The following SSH2 variants were observed in gnomAD, a reference collection of about 807,000 sequenced individuals.
SSH2 encodes slingshot protein phosphatase 2, also known as protein phosphatase Slingshot homolog 2.
In SSH2, 37 loss-of-function variants were observed where a neutral mutation model predicts 135.2. The observed-to-expected ratio is 0.27, with a 90% CI of 0.21 to 0.36. SSH2 has a LOEUF of 0.36. Ranked by LOEUF, SSH2 falls within the 10% of genes least tolerant of loss-of-function variation. The probability of loss-of-function intolerance (pLI) is 1.00; values close to 1 mark genes in which losing one functional copy is unlikely to be tolerated. For synonymous variants in SSH2, 628 were observed against 646.2 expected, an observed-to-expected ratio of 0.97 and a Z score of 0.43; for missense variants, 1,408 against 1,765.3, an observed-to-expected ratio of 0.80 and a Z score of 3.63.
intron 3 of SSH2, among the ~76,000 whole-genome samples, chr17:29,738,985 TTTAA>T (rs1413796983): frequency 6.6e-6 from 1 of 152,208 alleles, no homozygotes; most frequent in Non-Finnish European, 1.5e-5. Flanking sequence ...TATACATATA[TTTAA>T]TTAAATAATC....
intron 11 of SSH2, among the ~76,000 whole-genome samples, chr17:29,666,607 C>T (rs1366630568): frequency 2.0e-5 from 3 of 151,750 alleles, no homozygotes; most frequent in African/African-American, 7.3e-5. Context: ...TGCTTGAACC[C>T]GCGAGGCAGA....
intron 5 of SSH2, among the ~76,000 whole-genome samples, chr17:29,685,342 T>C (rs76726425): frequency 0.11 from 17,237 of 152,270 alleles, 1,338 homozygotes; most frequent in Non-Finnish European, 0.16. Flanking sequence ...GTTAATGTAA[T>C]AACAGCATTG....
intron 9 of SSH2, among the ~76,000 whole-genome samples, chr17:29,667,538 A>G (rs2037329722): frequency 6.6e-6 from 1 of 152,276 alleles, no homozygotes; most frequent in Admixed American, 6.5e-5. Context: ...CATGTGAGGG[A>G]TCAAGGTTGT....
chr17:29,788,938 A>G (rs1200808093), intron 3 of SSH2, among the ~76,000 whole-genome samples: 1 of 152,238 alleles, frequency 6.6e-6, no homozygotes, highest in Non-Finnish European at 1.5e-5. Flanking sequence ...CGAACAGAAT[A>G]TTTGTAGAAA....
intron 3 of SSH2, among the ~76,000 whole-genome samples, chr17:29,772,743 T>A (rs1467804029): frequency 1.3e-5 from 2 of 152,138 alleles, no homozygotes; most frequent in African/African-American, 4.8e-5. Context: ...GCTAGGATAC[T>A]CTTCTCCTCC....
intron 8 of SSH2, among the ~76,000 whole-genome samples, chr17:29,675,505 A>C (rs1280206064): frequency 6.6e-6 from 1 of 152,114 alleles, no homozygotes; most frequent in Non-Finnish European, 1.5e-5. Context: ...AAAATAAGAG[A>C]ATAAGAGGCC....
chr17:29,890,836 AC>A, intron 1 of SSH2, among the ~76,000 whole-genome samples: 1 of 152,240 alleles, frequency 6.6e-6, no homozygotes, highest in South Asian at 2.1e-4. Context: ...GCTCACTGCA[AC>A]CTCTGCCTCC....
chr17:29,737,137 G>GT (rs991697479), intron 3 of SSH2, among the ~76,000 whole-genome samples: 6 of 128,144 alleles, frequency 4.7e-5, no homozygotes, highest in African/African-American at 1.7e-4. Context: ...GCTAATTTTT[G>GT]TAACAGTTAA....
Position 29,688,881 on chromosome 17 carries a change from C to T in SSH2, c.358-4197G>A, listed in dbSNP as rs192649135. 2.6e-4 allele frequency among the ~76,000 whole-genome samples: 39 copies of T among 152,208 alleles called. No individual in the cohort carries two copies. The East Asian group carries it at 6.6e-3, about 26-fold the overall frequency. ...TAATTAAAGTTCCTTTTAGGCCGGG[C>T]GCAGTGGCTCACGTCTGTAATCCCA... is the stretch of plus-strand genomic sequence containing the variant. On this transcript the variant is annotated intron_variant, in intron 5 of 15. Coordinates refer to ENST00000540801, the MANE Select transcript of SSH2 (RefSeq NM_001282129.2).
chr17:29,874,187 G>T (rs1216665466), intron 1 of SSH2, among the ~76,000 whole-genome samples: 1 of 151,664 alleles, frequency 6.6e-6, no homozygotes, highest in Admixed American at 6.6e-5. Flanking sequence ...CAGCTACTCA[G>T]GAGGCCAAGG....
At chr17:29,674,373 T>C (rs1302736756) in intron 8 of SSH2, among the ~76,000 whole-genome samples, 1 of 152,214 alleles carries the variant, frequency 6.6e-6, no homozygotes, top group East Asian at 1.9e-4. Flanking sequence ...AGAGCCAGCT[T>C]AGTGTAACTT....
chr17:29,864,811 G>C (rs2065827384), intron 1 of SSH2, among the ~76,000 whole-genome samples: 1 of 152,082 alleles, frequency 6.6e-6, no homozygotes, highest in African/African-American at 2.4e-5. Context: ...TCTCAGTGTG[G>C]TCTCCAGACC....
At chr17:29,825,074 T>A (rs2042721010) in intron 2 of SSH2, among the ~76,000 whole-genome samples, 1 of 152,140 alleles carries the variant, frequency 6.6e-6, no homozygotes, top group Non-Finnish European at 1.5e-5. Context: ...AATCCAGTCA[T>A]ACCTTAAATT....
intron 11 of SSH2, among the ~76,000 whole-genome samples, chr17:29,666,300 C>T (rs73280638): frequency 0.015 from 2,231 of 152,118 alleles, 60 homozygotes; most frequent in African/African-American, 0.05. Context: ...CTTGAGCCTG[C>T]GAGGCTGAGG....
At chr17:29,696,292 A>G (rs2038738363) in intron 4 of SSH2, among the ~76,000 whole-genome samples, 1 of 150,136 alleles carries the variant, frequency 6.7e-6, no homozygotes, top group Non-Finnish European at 1.5e-5. Context: ...ATATATGTAT[A>G]TACACATGCA....
intron 2 of SSH2, among the ~76,000 whole-genome samples, chr17:29,802,060 G>A (rs1265855070): frequency 6.0e-5 from 9 of 150,256 alleles, no homozygotes; most frequent in Admixed American, 1.3e-4. Flanking sequence ...ATGAGGTCTC[G>A]CTATGTGCCC....
chr17:29,824,006 G>A lies in SSH2; in HGVS notation c.144+24843C>T, dbSNP rs1479426580. Among the ~76,000 whole-genome samples the A allele has an allele frequency of 2.0e-5, 3 of 151,404 alleles. No homozygotes were observed. The East Asian group carries it at 5.8e-4, about 29-fold the overall frequency. ...CAGAAGAAAGGTGTTTTATTTTTTAGTGCTTAAATTACAAATACAAATAAA... is the reference window on the plus strand; with the variant it reads ...CAGAAGAAAGGTGTTTTATTTTTTAATGCTTAAATTACAAATACAAATAAA... On this transcript the variant is annotated intron_variant, in intron 2 of 15. Coordinates refer to ENST00000540801, the MANE Select transcript of SSH2 (RefSeq NM_001282129.2).
At position 29,655,601 on chromosome 17, in the gene SSH2, C is replaced by T. The variant is rs142919897; in HGVS notation, c.1039G>A (p.Glu347Lys). 1 of 1,614,068 alleles carries T rather than the reference C, an allele frequency of 6.2e-7. No homozygotes were observed. Among genetic ancestry groups the T allele is most frequent in the Non-Finnish European group, 8.5e-7 (1 of 1,179,986 alleles). ...QIFEHVFLGS[E>K]WNASNLEDLQ... The stretch of plus-strand genomic sequence containing the variant: ...TCCTCTAAGTTGGAGGCATTCCATT[C>T]TGAGCCCTATGGAGCCAAAAAGACA... Residue 347 changes from glutamate to lysine, a missense_variant, in exon 12 of 16, where the codon GAA becomes AAA. Transcript: ENST00000540801.
intron 3 of SSH2, among the ~76,000 whole-genome samples, chr17:29,709,578 G>A (rs1333608369): frequency 1.3e-5 from 2 of 152,198 alleles, no homozygotes; most frequent in African/African-American, 4.8e-5. Flanking sequence ...TTGGGAGGCT[G>A]AGGCAAGAGA....
Sources: allele counts gnomAD v4.1 joint callset (sites outside exome capture counted in the v4.1 genomes callset), GRCh38; gene constraint gnomAD v4.1.1; transcripts MANE v1.5; gene names NCBI Gene and HGNC (gene_info 2026-07-23, HGNC 2026-07-21).